The following XKR4 variants were observed in gnomAD, a reference collection of about 807,000 sequenced individuals.
XKR4 encodes XK-related protein 4.
Under a neutral mutation model 53.9 loss-of-function variants are expected in XKR4, and 12 were observed. The observed-to-expected ratio is 0.22, with a 90% confidence interval of 0.14 to 0.36. The LOEUF is 0.36. Among genes scored for constraint, XKR4 ranks in the 10% least tolerant of loss-of-function variants. XKR4 has a pLI of 1.00. For missense variants in XKR4, 799 were observed against 859.5 expected (o/e 0.93, Z 0.88); for synonymous variants, 354 against 362.4 (o/e 0.98, Z 0.26).
chr8:55,113,491 C>T (rs894081802), intron 1 of XKR4, among the ~76,000 whole-genome samples: 1 of 152,174 alleles, frequency 6.6e-6, no homozygotes, highest in African/African-American at 2.4e-5. Flanking sequence ...CCAAGCTCCT[C>T]TTAGATGAGT....
intron 1 of XKR4, among the ~76,000 whole-genome samples, chr8:55,315,721 G>A (rs1477105994): frequency 2.0e-5 from 3 of 152,148 alleles, no homozygotes; most frequent in Non-Finnish European, 4.4e-5. Context: ...TTATGCCCAT[G>A]CCTCGTCAGT....
At chr8:55,218,417 G>A (rs1473979066) in intron 1 of XKR4, among the ~76,000 whole-genome samples, 1 of 152,182 alleles carries the variant, frequency 6.6e-6, no homozygotes, top group Admixed American at 6.5e-5. Context: ...AAATTTAAGT[G>A]AGGGTTATCC....
chr8:55,280,661 A>G (rs1818832633), intron 1 of XKR4, among the ~76,000 whole-genome samples: 1 of 152,208 alleles, frequency 6.6e-6, no homozygotes, highest in Non-Finnish European at 1.5e-5. Flanking sequence ...ATCCTTAAGG[A>G]GTTAAATTCA....
At chr8:55,234,390 A>G (rs1189518671) in intron 1 of XKR4, among the ~76,000 whole-genome samples, 1 of 152,224 alleles carries the variant, frequency 6.6e-6, no homozygotes, top group Non-Finnish European at 1.5e-5. Context: ...TTTGAACTAA[A>G]ATTGTTAATA....
intron 2 of XKR4, among the ~76,000 whole-genome samples, chr8:55,470,450 A>C (rs1257468579): frequency 6.6e-6 from 1 of 152,112 alleles, no homozygotes; most frequent in African/African-American, 2.4e-5. Flanking sequence ...AACCCCTTTC[A>C]CTTGGCTCTC....
chr8:55,484,749 C>A (rs1436472153), intron 2 of XKR4, among the ~76,000 whole-genome samples: 1 of 152,182 alleles, frequency 6.6e-6, no homozygotes, highest in Admixed American at 6.5e-5. Context: ...CTCCTTCAAC[C>A]CACTGAAGGC....
intron 2 of XKR4, among the ~76,000 whole-genome samples, chr8:55,361,756 C>A (rs954796804): frequency 1.3e-5 from 2 of 152,100 alleles, no homozygotes; most frequent in African/African-American, 4.8e-5. Context: ...TGCTCTGCAA[C>A]CACGCTGCGC....
intron 2 of XKR4, among the ~76,000 whole-genome samples, chr8:55,420,417 A>G (rs1804909877): frequency 6.6e-6 from 1 of 151,554 alleles, no homozygotes; most frequent in East Asian, 1.9e-4. Flanking sequence ...ATGGATTAAG[A>G]AAATGTGGCA....
chr8:55,257,927 C>T (rs1353311525), intron 1 of XKR4, among the ~76,000 whole-genome samples: 1 of 152,160 alleles, frequency 6.6e-6, no homozygotes, highest in Non-Finnish European at 1.5e-5. Context: ...CTTCTTCCTG[C>T]CCCCAGTGGG....
chr8:55,292,512 T>C (rs1052421234), intron 1 of XKR4, among the ~76,000 whole-genome samples: 4 of 152,186 alleles, frequency 2.6e-5, no homozygotes, highest in Non-Finnish European at 5.9e-5. Flanking sequence ...TGTTTCATTC[T>C]GGATACTGGT....
intron 1 of XKR4, among the ~76,000 whole-genome samples, chr8:55,214,071 T>A (rs1055955138): frequency 6.6e-6 from 1 of 151,946 alleles, no homozygotes; most frequent in Non-Finnish European, 1.5e-5. Context: ...CATGTTGGCC[T>A]GGCTGGTCTC....
chr8:55,420,477 T>TC (rs60116810), intron 2 of XKR4, among the ~76,000 whole-genome samples: 11,610 of 138,790 alleles, frequency 0.084, 1,294 homozygotes, highest in African/African-American at 0.26. Flanking sequence ...TGAGTTCATG[T>TC]CTTTGGAGGG....
At chr8:55,239,980 G>A (rs928039878) in intron 1 of XKR4, among the ~76,000 whole-genome samples, 2 of 152,166 alleles carry the variant, frequency 1.3e-5, no homozygotes, top group African/African-American at 4.8e-5. Flanking sequence ...TAAGTACCCT[G>A]CTTCTGTGAG....
At chr8:55,441,522 T>C (rs186288795) in intron 2 of XKR4, among the ~76,000 whole-genome samples, 290 of 152,256 alleles carry the variant, frequency 1.9e-3, no homozygotes, top group Non-Finnish European at 3.3e-3. Context: ...AATGGACATA[T>C]GGGGAACATT....
intron 1 of XKR4, among the ~76,000 whole-genome samples, chr8:55,248,242 C>G (rs1274201620): frequency 6.6e-6 from 1 of 152,164 alleles, no homozygotes; most frequent in African/African-American, 2.4e-5. Context: ...TCACAAGGAA[C>G]CCAGTTTCTA....
chr8:55,173,895 C>A (rs1057043036), intron 1 of XKR4, among the ~76,000 whole-genome samples: 4 of 152,128 alleles, frequency 2.6e-5, no homozygotes, highest in Non-Finnish European at 5.9e-5. Context: ...TCTTTCACAA[C>A]TCAAATTTTG....
At chr8:55,269,906 A>G (rs1386957338) in intron 1 of XKR4, among the ~76,000 whole-genome samples, 4 of 152,214 alleles carry the variant, frequency 2.6e-5, no homozygotes, top group African/African-American at 9.6e-5. Context: ...ATGCCAGTAA[A>G]TAAGTTCAGA....
At chr8:55,104,070 T>G (rs375867160) in intron 1 of XKR4, among the ~76,000 whole-genome samples, 1 of 152,084 alleles carries the variant, frequency 6.6e-6, no homozygotes, top group South Asian at 2.1e-4. Context: ...GCTACTTTGC[T>G]GCTTGTCATC....
intron 1 of XKR4, among the ~76,000 whole-genome samples, chr8:55,209,187 G>A (rs878963698): frequency 7.6e-6 from 1 of 131,342 alleles, no homozygotes; most frequent in Non-Finnish European, 1.7e-5. Context: ...CCCCAAAGAG[G>A]GAGAGCAGTG....
Sources: allele counts gnomAD v4.1 joint callset (sites outside exome capture counted in the v4.1 genomes callset), GRCh38; gene constraint gnomAD v4.1.1; transcripts MANE v1.5; gene names NCBI Gene and HGNC (gene_info 2026-07-23, HGNC 2026-07-21).